Variants in PPM1H observed in about 807,000 individuals in gnomAD.
PPM1H encodes the protein protein phosphatase, Mg2+/Mn2+ dependent 1H, also known as protein phosphatase 1H.
In PPM1H, 27 loss-of-function variants were observed where a neutral mutation model predicts 54.9. The ratio of observed to expected loss-of-function variants is 0.49; its 90% CI spans 0.36 to 0.68. The LOEUF is 0.68. Among genes scored for constraint, PPM1H ranks in the 30% least tolerant of loss-of-function variants. PPM1H has a pLI of 0.00. For missense variants in PPM1H, 596 were observed against 667.8 expected (o/e 0.89, Z 1.19); for synonymous variants, 305 against 270.8 (o/e 1.13, Z -1.24).
chr12:62,893,900 T>A (rs1316336315), intron 1 of PPM1H, among the ~76,000 whole-genome samples: 2 of 152,202 alleles, frequency 1.3e-5, no homozygotes, highest in Non-Finnish European at 2.9e-5. Context: ...AATTCAGCCT[T>A]TAACACTGGT....
chr12:62,878,100 A>G (rs905778567), intron 1 of PPM1H, among the ~76,000 whole-genome samples: 5 of 152,060 alleles, frequency 3.3e-5, no homozygotes, highest in Non-Finnish European at 7.4e-5. Flanking sequence ...GGGTTTCACC[A>G]TGTTAGCCAG....
rs377474675 is a variant in PPM1H at position 62,880,583 on chromosome 12, T to C, written c.246-48304A>G. Among the ~76,000 whole-genome samples the C allele has an allele frequency of 1.1e-4, 17 of 152,134 alleles. 1 individual carries two copies. Among genetic ancestry groups the C allele is most frequent in the Admixed American group, 7.9e-4 (12 of 15,282 alleles). On this transcript the variant is annotated intron_variant, in intron 1 of 9. Coordinates refer to ENST00000228705, the MANE Select transcript of PPM1H (RefSeq NM_020700.2). ...GATTACCCTCCATCAGCACTCCCGATTCCATTCTCCTTGTGTCTTCCTCTG... is the reference window on the plus strand; with the variant it reads ...GATTACCCTCCATCAGCACTCCCGACTCCATTCTCCTTGTGTCTTCCTCTG...
At chr12:62,667,472 C>T (rs750646483) in intron 8 of PPM1H, 143 bp from the exon 9 acceptor site, 25 of 733,510 alleles carry the variant, frequency 3.4e-5, no homozygotes, top group Middle Eastern at 3.9e-4. Context: ...GATTATACAG[C>T]GAGCTGTGTG....
intron 1 of PPM1H, among the ~76,000 whole-genome samples, chr12:62,874,358 G>T (rs1241562115): frequency 6.6e-6 from 1 of 152,120 alleles, no homozygotes; most frequent in Non-Finnish European, 1.5e-5. Flanking sequence ...AAATCCAAAG[G>T]ATCCAGGGAC....
chr12:62,832,222 G>A lies in PPM1H; in HGVS notation c.303C>T (p.Leu101=), dbSNP rs376936802. ...CGGCCCCTGCCTTCTTCTTCACAGT[G>A]AGCACCTCACAGCTGGCTTGGTCTT... ...HNEDQASCEV[L]TVKKKAGAVT... is the part of the protein sequence containing the mutation. The change falls in exon 2 of 10, where the codon CTC becomes CTT. Residue 101 remains leucine, a synonymous_variant. Transcript: ENST00000228705. The A allele has an allele frequency of 7.4e-6, 12 of 1,613,610 alleles. No individual in the cohort carries two copies. Among genetic ancestry groups the A allele is most frequent in the Non-Finnish European group, 1.0e-5 (12 of 1,179,728 alleles).
At chr12:62,658,945 C>T in intron 9 of PPM1H, 4 of 698,104 alleles carry the variant, frequency 5.7e-6, no homozygotes, top group Non-Finnish European at 5.3e-6. Context: ...GAGGTACTGA[C>T]AACAGGGCTC....
Position 62,667,565 on chromosome 12 carries a change from C to T in PPM1H, c.1246-236G>A, listed in dbSNP as rs115324617. 1.4e-3 allele frequency among the ~76,000 whole-genome samples: 207 copies of T among 152,202 alleles called. 1 individual carries two copies. The highest frequency in any genetic ancestry group is 4.9e-3 in the African/African-American group (202 of 41,530). On this transcript the variant is annotated intron_variant, in intron 8 of 9. Transcript: ENST00000228705. ...TTTGTGAATGAGCCTAAGCGGTGGGCTTAGTAATTGACATAGAAGAAATTA... is the reference window on the plus strand; with the variant it reads ...TTTGTGAATGAGCCTAAGCGGTGGGTTTAGTAATTGACATAGAAGAAATTA...
At chr12:62,913,244 A>G (rs1438907320) in intron 1 of PPM1H, among the ~76,000 whole-genome samples, 1 of 152,190 alleles carries the variant, frequency 6.6e-6, no homozygotes, top group Non-Finnish European at 1.5e-5. Flanking sequence ...AGAAAACTAG[A>G]AAAAGAACCT....
intron 1 of PPM1H, among the ~76,000 whole-genome samples, chr12:62,867,743 A>ATTT (rs5798662): frequency 6.9e-6 from 1 of 145,888 alleles, no homozygotes; most frequent in African/African-American, 2.5e-5. Flanking sequence ...ACACCTGGCT[A>ATTT]TTTTTTTTTT....
chr12:62,895,950 A>T (rs961517399), intron 1 of PPM1H, among the ~76,000 whole-genome samples: 1 of 152,176 alleles, frequency 6.6e-6, no homozygotes, highest in Non-Finnish European at 1.5e-5. Flanking sequence ...TAAATAGACT[A>T]AGAGACCCAC....
chr12:62,898,379 A>G (rs1199870733), intron 1 of PPM1H, among the ~76,000 whole-genome samples: 1 of 152,236 alleles, frequency 6.6e-6, no homozygotes, highest in Non-Finnish European at 1.5e-5. Context: ...TATGTCCTCC[A>G]AGTGGCCAAA....
intron 9 of PPM1H, among the ~76,000 whole-genome samples, chr12:62,648,861 G>GTCTT (rs1225398804): frequency 6.6e-6 from 1 of 152,222 alleles, no homozygotes; most frequent in Non-Finnish European, 1.5e-5. Flanking sequence ...ATTAGATAAT[G>GTCTT]TCTTACATTA....
At chr12:62,789,595 T>C (rs1252496256) in intron 3 of PPM1H, among the ~76,000 whole-genome samples, 1 of 152,248 alleles carries the variant, frequency 6.6e-6, no homozygotes, top group Admixed American at 6.5e-5. Flanking sequence ...GAAACATTCA[T>C]TGAGAACTTT....
At position 62,902,473 on chromosome 12, in the gene PPM1H, G is replaced by A. The variant is rs575720657; in HGVS notation, c.245+32019C>T. ...AGATACTTTAGCACTGTTTGTGACT[G>A]CCCAACACTGGAACATTTTCCAGAC... On this transcript the variant is annotated intron_variant, in intron 1 of 9. Transcript: ENST00000228705. Among the ~76,000 whole-genome samples the A allele has an allele frequency of 7.2e-4, 109 of 152,286 alleles. 2 individuals carry two copies. The highest frequency in any genetic ancestry group is 2.4e-3 in the African/African-American group (99 of 41,578).
intron 1 of PPM1H, among the ~76,000 whole-genome samples, chr12:62,895,392 T>C (rs1032282113): frequency 6.6e-6 from 1 of 152,174 alleles, no homozygotes; most frequent in East Asian, 1.9e-4. Context: ...CCCAAACCTA[T>C]AAGTGCCTAT....
intron 1 of PPM1H, among the ~76,000 whole-genome samples, chr12:62,907,614 T>C (rs699583): frequency 0.33 from 49,595 of 151,616 alleles, 9,787 homozygotes; most frequent in Non-Finnish European, 0.45. Context: ...TAAGTCTCCT[T>C]TGTTTATCCA....
chr12:62,856,775 G>C (rs748109003), intron 1 of PPM1H, among the ~76,000 whole-genome samples: 14 of 152,132 alleles, frequency 9.2e-5, no homozygotes, highest in African/African-American at 3.4e-4. Flanking sequence ...ATCTGACACT[G>C]TATCTAGTAC....
chr12:62,791,332 A>G (rs542901914), intron 3 of PPM1H, among the ~76,000 whole-genome samples: 1 of 152,278 alleles, frequency 6.6e-6, no homozygotes, highest in Non-Finnish European at 1.5e-5. Context: ...CAAATAGAAG[A>G]GAGGAGAAGG....
chr12:62,919,928 T>C (rs1032425800), intron 1 of PPM1H, among the ~76,000 whole-genome samples: 1 of 152,030 alleles, frequency 6.6e-6, no homozygotes, highest in African/African-American at 2.4e-5. Flanking sequence ...ATGGGGCCCA[T>C]GTGATTCCCA....
Sources: allele counts gnomAD v4.1 joint callset (sites outside exome capture counted in the v4.1 genomes callset), GRCh38; gene constraint gnomAD v4.1.1; transcripts MANE v1.5; gene names NCBI Gene and HGNC (gene_info 2026-07-23, HGNC 2026-07-21).